Variants in UGT1A5 observed in about 807,000 individuals in gnomAD.
UGT1A5 encodes the protein UDP-glucuronosyltransferase 1A5.
A neutral mutation model predicts 40.3 loss-of-function variants in UGT1A5; 29 were observed. The ratio of observed to expected loss-of-function variants is 0.72; its 90% CI spans 0.54 to 0.98. UGT1A5 has a LOEUF of 0.98. Among genes scored for constraint, UGT1A5 ranks in the 50% least tolerant of loss-of-function variants. UGT1A5 has a pLI of 0.00. For synonymous variants in UGT1A5, 257 were observed against 262.5 expected (o/e 0.98, Z 0.20); for missense variants, 678 against 677.9 (o/e 1.00, Z 0.00).
At chr2:233,755,368 G>A in intron 1 of UGT1A5, 1 of 361,208 alleles carries the variant, frequency 2.8e-6, no homozygotes, top group Non-Finnish European at 5.3e-6. Flanking sequence ...GGGCCGCCTG[G>A]AGGGCCGCCC....
intron 1 of UGT1A5, chr2:233,743,681 C>A: frequency 7.3e-7 from 1 of 1,367,264 alleles, no homozygotes; most frequent in Non-Finnish European, 9.8e-7. Flanking sequence ...GGGCCTGCCG[C>A]CTGTGCAGCC....
chr2:233,713,255 A>T lies in UGT1A5; in HGVS notation c.264A>T (p.Glu88Asp), dbSNP rs1242833896. The change falls in exon 1 of 5, where the codon GAA becomes GAT. Residue 88 changes from glutamate to aspartate, a missense_variant. Glu to Asp is a conservative substitution (Grantham distance 45, BLOSUM62 2). Transcript: ENST00000373414. ...ATGCCATTTCATGGACCCAGGACGA[A>T]TTTGATCGCCTTTTGCTGGGTCACA... ...TTYAISWTQD[E>D]FDRLLLGHTQ... is the part of the protein sequence containing the mutation. The T allele has an allele frequency of 3.1e-6, 5 of 1,614,152 alleles. No individual in the cohort carries two copies. The highest frequency in any genetic ancestry group is 4.2e-6 in the Non-Finnish European group (5 of 1,180,050).
intron 1 of UGT1A5, among the ~76,000 whole-genome samples, chr2:233,757,212 T>G (rs1174758514): frequency 1.4e-5 from 2 of 147,276 alleles, no homozygotes; most frequent in Admixed American, 1.4e-4. Context: ...CCCAGGAAGC[T>G]GCTGACCAAG....
At chr2:233,750,007 A>G (rs1252051416) in intron 1 of UGT1A5, among the ~76,000 whole-genome samples, 1 of 151,886 alleles carries the variant, frequency 6.6e-6, no homozygotes, top group African/African-American at 2.4e-5. Flanking sequence ...AATTGGTGCC[A>G]TGGAGAGTGG....
intron 1 of UGT1A5, among the ~76,000 whole-genome samples, chr2:233,749,703 T>C (rs1694254740): frequency 1.3e-5 from 2 of 151,790 alleles, no homozygotes; most frequent in Non-Finnish European, 2.9e-5. Flanking sequence ...TGGGAGGTGA[T>C]TGGATCATGG....
At chr2:233,719,385 A>C in intron 1 of UGT1A5, 1 of 1,613,980 alleles carries the variant, frequency 6.2e-7, no homozygotes, top group Non-Finnish European at 8.5e-7. Flanking sequence ...ACAGTGTCCA[A>C]ATCCTTCCTC....
chr2:233,762,466 T>C (rs377017824), intron 1 of UGT1A5, among the ~76,000 whole-genome samples: 5 of 152,354 alleles, frequency 3.3e-5, no homozygotes, highest in African/African-American at 9.6e-5. Context: ...GATAATGTCA[T>C]GGATATCACT....
At chr2:233,724,636 G>A (rs1302361231) in intron 1 of UGT1A5, among the ~76,000 whole-genome samples, 4 of 141,026 alleles carry the variant, frequency 2.8e-5, no homozygotes, top group Admixed American at 7.0e-5. Flanking sequence ...CTTCCTAGAT[G>A]TGATGGCGGC....
chr2:233,716,724 T>C (rs908314091), intron 1 of UGT1A5, among the ~76,000 whole-genome samples: 3 of 152,214 alleles, frequency 2.0e-5, no homozygotes, highest in African/African-American at 7.2e-5. Flanking sequence ...TTCCAGTTTA[T>C]ATGTTTAGCT....
In UGT1A5 at chr2:233,769,857, C is replaced by CAAA. The variant is rs879204025; in HGVS notation, c.1307+1433_1307+1435dup. 4.7e-4 allele frequency: 105 copies of CAAA among 224,472 alleles called. No individual in the cohort carries two copies. Among genetic ancestry groups the CAAA allele is most frequent in the South Asian group, 1.3e-3 (12 of 9,146 alleles). The allele number at this position is 224,472 out of a possible 1,614,324, so 13.9% of individuals were successfully genotyped here. ...TGGGCAACAGAGTGAGACCCTGTCT[C>CAAA]AAAAAAAAAAAAAAAAATGAAAAGT... On this transcript the variant is annotated intron_variant, in intron 4 of 4. Coordinates refer to ENST00000373414, the MANE Select transcript of UGT1A5 (RefSeq NM_019078.2). This position sits in a 1 kb window ranked among gnomAD's most constrained non-coding sequence, Gnocchi z 4.4.
At chr2:233,737,834 G>C (rs1690605119) in intron 1 of UGT1A5, among the ~76,000 whole-genome samples, 1 of 151,982 alleles carries the variant, frequency 6.6e-6, no homozygotes, top group Admixed American at 6.5e-5. Context: ...ATTGGGAACT[G>C]TGGCACAGGT....
intron 1 of UGT1A5, among the ~76,000 whole-genome samples, chr2:233,725,079 CG>C (rs1365887485): frequency 6.9e-6 from 1 of 144,208 alleles, no homozygotes; most frequent in Non-Finnish European, 1.5e-5. Context: ...CGCAGGCACT[CG>C]GCAGGCTGAG....
At chr2:233,715,615 T>C (rs1446871152) in intron 1 of UGT1A5, among the ~76,000 whole-genome samples, 1 of 151,806 alleles carries the variant, frequency 6.6e-6, no homozygotes, top group Non-Finnish European at 1.5e-5. Flanking sequence ...CTACAAAAAA[T>C]TAAAAAATTA....
Position 233,772,666 on chromosome 2 carries a change from T to G in UGT1A5, c.*107T>G. 6.5e-7 allele frequency: 1 copy of G among 1,538,162 alleles called. No individual in the cohort carries two copies. Among genetic ancestry groups the G allele is most frequent in the South Asian group, 1.2e-5 (1 of 82,746 alleles). Reference sequence around the variant, plus strand: ...ATTTTATTCTTATTAAGGAAATACTTTGCATAAATTAATCAGCCCCAGAGT... The same window carrying G: ...ATTTTATTCTTATTAAGGAAATACTGTGCATAAATTAATCAGCCCCAGAGT... On this transcript the variant is annotated 3_prime_UTR_variant, in exon 5 of 5. Coordinates refer to ENST00000373414, the MANE Select transcript of UGT1A5 (RefSeq NM_019078.2).
At chr2:233,733,899 C>G (rs563890237) in intron 1 of UGT1A5, among the ~76,000 whole-genome samples, 41 of 152,048 alleles carry the variant, frequency 2.7e-4, no homozygotes, top group African/African-American at 9.9e-4. Flanking sequence ...CCTGTTTGTA[C>G]CTCTCTGGTA....
At chr2:233,724,685 G>T (rs1329497832) in intron 1 of UGT1A5, among the ~76,000 whole-genome samples, 6 of 144,884 alleles carry the variant, frequency 4.1e-5, no homozygotes, top group African/African-American at 1.6e-4. Context: ...TGGGATGGCG[G>T]CCGGGTGAAG....
chr2:233,715,268 C>A (rs1400036159), intron 1 of UGT1A5, among the ~76,000 whole-genome samples: 1 of 152,186 alleles, frequency 6.6e-6, no homozygotes, highest in Non-Finnish European at 1.5e-5. Context: ...CCTTACATAA[C>A]AAATTCTCCT....
In UGT1A5 at chr2:233,736,220, T is replaced by C. The variant is rs542508391; in HGVS notation, c.867+22362T>C. On this transcript the variant is annotated intron_variant, in intron 1 of 4. Coordinates refer to ENST00000373414, the MANE Select transcript of UGT1A5 (RefSeq NM_019078.2). ...GGCTTTCCTTGTTTCTTTTTACTCT[T>C]TTTTCTCTAACCTTGTCTTCTCACT... is the stretch of plus-strand genomic sequence containing the variant. Among the ~76,000 whole-genome samples the C allele has an allele frequency of 2.6e-5, 4 of 152,348 alleles. No homozygotes were observed. The East Asian group carries it at 7.7e-4, about 29-fold the overall frequency.
chr2:233,736,099 G>A (rs1234908815), intron 1 of UGT1A5, among the ~76,000 whole-genome samples: 3 of 152,216 alleles, frequency 2.0e-5, no homozygotes, highest in African/African-American at 7.2e-5. Context: ...ATATCCTGAA[G>A]AGTGTTTTCC....
Sources: allele counts gnomAD v4.1 joint callset (sites outside exome capture counted in the v4.1 genomes callset), GRCh38; gene constraint gnomAD v4.1.1; non-coding constraint Gnocchi (gnomAD v3.1); transcripts MANE v1.5; gene names NCBI Gene and HGNC (gene_info 2026-07-23, HGNC 2026-07-21).